The following ASTN2 variants were observed in gnomAD, a reference collection of about 807,000 sequenced individuals.
The protein encoded by ASTN2 is astrotactin 2.
ASTN2 carries 54 observed loss-of-function variants against 139.8 expected under a neutral mutation model. The ratio of observed to expected loss-of-function variants is 0.39; its 90% CI spans 0.31 to 0.48. The LOEUF is 0.48. ASTN2 is among the 20% of genes least tolerant of loss of function. The pLI is 0.95. For synonymous variants in ASTN2, 756 were observed against 719.5 expected, an observed-to-expected ratio of 1.05 and a Z score of -0.81; for missense variants, 1,565 against 1,725.1, an observed-to-expected ratio of 0.91 and a Z score of 1.64.
chr9:117,297,850 C>G (rs1834774599), intron 1 of ASTN2, among the ~76,000 whole-genome samples: 1 of 152,212 alleles, frequency 6.6e-6, no homozygotes, highest in Non-Finnish European at 1.5e-5. Flanking sequence ...ACCTCATCCT[C>G]CTTCTACCCA....
intron 2 of ASTN2, among the ~76,000 whole-genome samples, chr9:117,252,197 T>C (rs1356455131): frequency 3.3e-5 from 5 of 152,166 alleles, no homozygotes; most frequent in African/African-American, 1.2e-4. Flanking sequence ...TCTGAGAAGA[T>C]AGAGCCTGAG....
intron 3 of ASTN2, among the ~76,000 whole-genome samples, chr9:117,182,056 C>T (rs1442836753): frequency 6.6e-6 from 1 of 152,116 alleles, no homozygotes; most frequent in Non-Finnish European, 1.5e-5. Flanking sequence ...GCCAATTTCA[C>T]AGTTCACAAG....
intron 20 of ASTN2, among the ~76,000 whole-genome samples, chr9:116,486,886 A>C (rs1196141526): frequency 6.6e-6 from 1 of 151,762 alleles, no homozygotes; most frequent in African/African-American, 2.4e-5. Context: ...GGATCTATTA[A>C]TAAAAAAGTG....
At chr9:117,220,040 TCA>T (rs1335734166) in intron 2 of ASTN2, among the ~76,000 whole-genome samples, 1 of 152,212 alleles carries the variant, frequency 6.6e-6, no homozygotes, top group African/African-American at 2.4e-5. Context: ...GGCTGATAGT[TCA>T]CAGTGTGAAG....
chr9:116,553,007 G>A (rs1852422117), intron 19 of ASTN2, among the ~76,000 whole-genome samples: 1 of 152,206 alleles, frequency 6.6e-6, no homozygotes, highest in Non-Finnish European at 1.5e-5. Context: ...AGTTCAGGCA[G>A]CATCAGAGGA....
intron 16 of ASTN2, among the ~76,000 whole-genome samples, chr9:116,652,572 T>C (rs746101039): frequency 3.3e-5 from 5 of 152,168 alleles, no homozygotes; most frequent in Admixed American, 6.5e-5. Context: ...TCAAGCCAAC[T>C]TCATCTGAAA....
chr9:117,230,015 T>C (rs1179131234), intron 2 of ASTN2, among the ~76,000 whole-genome samples: 1 of 148,406 alleles, frequency 6.7e-6, no homozygotes, highest in African/African-American at 2.5e-5. Context: ...CTACAAAAAA[T>C]AAAAATAAAA....
chr9:117,291,870 A>C (rs1587917886), intron 1 of ASTN2, among the ~76,000 whole-genome samples: 1 of 152,224 alleles, frequency 6.6e-6, no homozygotes, highest in Non-Finnish European at 1.5e-5. Flanking sequence ...GAAGAAGATG[A>C]AGGAAAGAAA....
At chr9:117,004,731 T>C (rs1837306401) in intron 7 of ASTN2, among the ~76,000 whole-genome samples, 1 of 152,148 alleles carries the variant, frequency 6.6e-6, no homozygotes, top group African/African-American at 2.4e-5. Flanking sequence ...CTCTTGTGAA[T>C]GGAGAGAAAG....
At chr9:116,505,375 G>GGAGAGTGC (rs1850064700) in intron 19 of ASTN2, among the ~76,000 whole-genome samples, 1 of 151,816 alleles carries the variant, frequency 6.6e-6, no homozygotes, top group Non-Finnish European at 1.5e-5. Flanking sequence ...TCCCTTACTG[G>GGAGAGTGC]ATACCCAATC....
At chr9:117,337,049 C>A (rs909516322) in intron 1 of ASTN2, among the ~76,000 whole-genome samples, 3 of 152,102 alleles carry the variant, frequency 2.0e-5, no homozygotes, top group African/African-American at 4.8e-5. Flanking sequence ...TAAATAAATG[C>A]ATAATTAAGA....
intron 1 of ASTN2, among the ~76,000 whole-genome samples, chr9:117,373,634 C>T (rs186431724): frequency 7.2e-5 from 11 of 152,286 alleles, no homozygotes; most frequent in African/African-American, 2.6e-4. Flanking sequence ...GGAAATCAGA[C>T]AGCAAACTGG....
chr9:116,444,595 C>T (rs1235478763), intron 20 of ASTN2, among the ~76,000 whole-genome samples: 1 of 152,092 alleles, frequency 6.6e-6, no homozygotes, highest in East Asian at 1.9e-4. Flanking sequence ...GCTTTGACTT[C>T]CCATGACCTG....
intron 14 of ASTN2, among the ~76,000 whole-genome samples, chr9:116,730,449 C>T (rs1247543399): frequency 6.6e-6 from 1 of 152,098 alleles, no homozygotes; most frequent in Non-Finnish European, 1.5e-5. Flanking sequence ...AAAGATATGT[C>T]CACTGGAGTG....
chr9:116,655,856 A>G (rs1460996298), intron 16 of ASTN2, among the ~76,000 whole-genome samples: 2 of 147,698 alleles, frequency 1.4e-5, no homozygotes, highest in Non-Finnish European at 3.0e-5. Flanking sequence ...ACACCTGGCT[A>G]ATGTTTTCTT....
chr9:117,145,846 T>C (rs925104747), intron 3 of ASTN2, among the ~76,000 whole-genome samples: 4 of 152,186 alleles, frequency 2.6e-5, no homozygotes, highest in Non-Finnish European at 5.9e-5. Flanking sequence ...GCTCTGACAT[T>C]CAGCAATTCC....
intron 13 of ASTN2, among the ~76,000 whole-genome samples, chr9:116,759,791 T>C (rs551231252): frequency 6.6e-6 from 1 of 152,310 alleles, no homozygotes; most frequent in South Asian, 2.1e-4. Context: ...CTTCCCAGAA[T>C]GTTATTTCCA....
intron 2 of ASTN2, among the ~76,000 whole-genome samples, chr9:117,247,475 T>C (rs185534277): frequency 1.4e-4 from 21 of 152,310 alleles, no homozygotes; most frequent in Admixed American, 1.2e-3. Flanking sequence ...CTGCAGTTCC[T>C]TCATTTGTAA....
chr9:117,333,676 T>C (rs1240590610), intron 1 of ASTN2, among the ~76,000 whole-genome samples: 1 of 152,158 alleles, frequency 6.6e-6, no homozygotes, highest in Non-Finnish European at 1.5e-5. Context: ...TACTTTATTA[T>C]GCTTTTTAGT....
Sources: allele counts gnomAD v4.1 joint callset (sites outside exome capture counted in the v4.1 genomes callset), GRCh38; gene constraint gnomAD v4.1.1; transcripts MANE v1.5; gene names NCBI Gene and HGNC (gene_info 2026-07-23, HGNC 2026-07-21).